Variants in PALLD observed in about 807,000 individuals in gnomAD.
The protein encoded by PALLD is palladin, cytoskeletal associated protein.
In PALLD, 61 loss-of-function variants were observed where a neutral mutation model predicts 123.5. That is an observed-to-expected ratio of 0.49 (90% CI 0.40 to 0.61). PALLD has a LOEUF of 0.61. Ranked by LOEUF, PALLD falls within the 20% of genes least tolerant of loss-of-function variation. PALLD has a pLI of 0.00. For synonymous variants in PALLD, 465 were observed against 496.4 expected (o/e 0.94, Z 0.84); for missense variants, 1,273 against 1,377.0 (o/e 0.92, Z 1.20).
intron 15 of PALLD, among the ~76,000 whole-genome samples, chr4:168,910,682 C>T (rs892261455): frequency 2.6e-5 from 4 of 152,060 alleles, no homozygotes; most frequent in Admixed American, 2.6e-4. Flanking sequence ...ACTATATGGC[C>T]TTGTTTTACA....
At chr4:168,737,915 TGCTGACCAGAGACAGCA>T (rs1386160335) in intron 10 of PALLD, among the ~76,000 whole-genome samples, 2 of 152,246 alleles carry the variant, frequency 1.3e-5, no homozygotes, top group Admixed American at 1.3e-4. Flanking sequence ...ACGCATAGCA[TGCTGACCAGAGACAGCA>T]GCAGCTGTGA....
intron 2 of PALLD, among the ~76,000 whole-genome samples, chr4:168,546,603 T>C (rs1766160567): frequency 1.3e-5 from 2 of 152,044 alleles, no homozygotes; most frequent in South Asian, 4.2e-4. Flanking sequence ...TTCATAGACA[T>C]CCTGCAGGTC....
At chr4:168,557,388 C>A (rs541206641) in intron 2 of PALLD, among the ~76,000 whole-genome samples, 2 of 152,292 alleles carry the variant, frequency 1.3e-5, no homozygotes, top group Non-Finnish European at 2.9e-5. Flanking sequence ...GAGTTCCATG[C>A]ATCTGAGAAT....
chr4:168,538,471 T>A (rs1015126886), intron 2 of PALLD, among the ~76,000 whole-genome samples: 32 of 151,716 alleles, frequency 2.1e-4, no homozygotes, highest in African/African-American at 2.4e-4. Context: ...AATAAAATTT[T>A]ATTTTAAATA....
chr4:168,520,068 T>C (rs891727261), intron 2 of PALLD, among the ~76,000 whole-genome samples: 11 of 152,032 alleles, frequency 7.2e-5, no homozygotes, highest in African/African-American at 2.4e-4. Flanking sequence ...GGCTCATGCC[T>C]GTAATCCCAG....
chr4:168,592,047 C>A (rs566058499), intron 2 of PALLD, among the ~76,000 whole-genome samples: 1 of 144,252 alleles, frequency 6.9e-6, no homozygotes, highest in Non-Finnish European at 1.5e-5. Flanking sequence ...GATGGAGTCG[C>A]GCTCTGTCAC....
At chr4:168,582,597 C>A (rs185545443) in intron 2 of PALLD, among the ~76,000 whole-genome samples, 1 of 152,062 alleles carries the variant, frequency 6.6e-6, no homozygotes, top group Non-Finnish European at 1.5e-5. Context: ...TATTGAGGAA[C>A]ATTTCTTTGA....
intron 2 of PALLD, among the ~76,000 whole-genome samples, chr4:168,521,094 T>C (rs551400732): frequency 2.1e-4 from 32 of 152,258 alleles, no homozygotes; most frequent in Admixed American, 8.5e-4. Flanking sequence ...GGTGTTTCAG[T>C]AGAATATTAC....
intron 10 of PALLD, among the ~76,000 whole-genome samples, chr4:168,732,121 C>A (rs888076818): frequency 6.6e-6 from 1 of 152,226 alleles, no homozygotes; most frequent in Non-Finnish European, 1.5e-5. Flanking sequence ...TTCGCTGCAT[C>A]TCATTCTGTG....
chr4:168,608,850 AT>A (rs11398274), intron 2 of PALLD, among the ~76,000 whole-genome samples: 3,567 of 135,642 alleles, frequency 0.026, 47 homozygotes, highest in African/African-American at 0.05. Flanking sequence ...AGCTATAACT[AT>A]TTTTTTTTTT....
chr4:168,745,939 T>C (rs934978382), intron 10 of PALLD, among the ~76,000 whole-genome samples: 2 of 152,164 alleles, frequency 1.3e-5, no homozygotes, highest in African/African-American at 4.8e-5. Context: ...ATGCATCTGC[T>C]ACATGTACTC....
chr4:168,546,755 C>T (rs1766175315), intron 2 of PALLD, among the ~76,000 whole-genome samples: 2 of 152,276 alleles, frequency 1.3e-5, no homozygotes, highest in South Asian at 4.1e-4. Context: ...AAACTAAGCG[C>T]AAATTCCAAA....
At chr4:168,845,813 G>T (rs1419577618) in intron 10 of PALLD, among the ~76,000 whole-genome samples, 2 of 152,246 alleles carry the variant, frequency 1.3e-5, no homozygotes, top group Non-Finnish European at 2.9e-5. Context: ...TAAAGCCACG[G>T]TTTTAAATAG....
chr4:168,796,271 G>A (rs1300255923), intron 10 of PALLD, among the ~76,000 whole-genome samples: 1 of 152,124 alleles, frequency 6.6e-6, no homozygotes, highest in Admixed American at 6.5e-5. Flanking sequence ...GCCCAGGCTG[G>A]CCTAATTGTT....
intron 10 of PALLD, among the ~76,000 whole-genome samples, chr4:168,886,868 C>T (rs888118719): frequency 1.3e-5 from 2 of 151,522 alleles, no homozygotes; most frequent in African/African-American, 4.9e-5. Context: ...CCTGTAATCC[C>T]AGCACTTTGG....
intron 10 of PALLD, among the ~76,000 whole-genome samples, chr4:168,793,241 A>G (rs28496043): frequency 0.28 from 4,086 of 14,522 alleles, 1,038 homozygotes; most frequent in Middle Eastern, 0.46. Flanking sequence ...ATACATATAT[A>G]TGTGTGCATA....
chr4:168,909,890 CA>C (rs1560904437), intron 15 of PALLD, among the ~76,000 whole-genome samples: 1 of 152,010 alleles, frequency 6.6e-6, no homozygotes, highest in Non-Finnish European at 1.5e-5. Flanking sequence ...ACAAAAATGA[CA>C]AAATTATACA....
At chr4:168,887,000 C>G (rs1581914977) in intron 10 of PALLD, among the ~76,000 whole-genome samples, 2 of 151,542 alleles carry the variant, frequency 1.3e-5, no homozygotes, top group South Asian at 4.2e-4. Flanking sequence ...GCCTGTAATC[C>G]TAGCTACTCA....
intron 10 of PALLD, among the ~76,000 whole-genome samples, chr4:168,845,550 T>C (rs1198832135): frequency 6.6e-6 from 1 of 152,208 alleles, no homozygotes; most frequent in African/African-American, 2.4e-5. Flanking sequence ...TGATTTAAAA[T>C]ATACAGGAGG....
Sources: allele counts gnomAD v4.1 joint callset (sites outside exome capture counted in the v4.1 genomes callset), GRCh38; gene constraint gnomAD v4.1.1; transcripts MANE v1.5; gene names NCBI Gene and HGNC (gene_info 2026-07-23, HGNC 2026-07-21).